Variants in CHRDL2 observed in about 807,000 individuals in gnomAD.
The protein encoded by CHRDL2 is chordin like 2.
CHRDL2 carries 41 observed loss-of-function variants against 54.3 expected under a neutral mutation model. That is an observed-to-expected ratio of 0.76 (90% CI 0.59 to 0.98). The LOEUF (loss-of-function observed/expected upper bound fraction) is 0.98. Among genes scored for constraint, CHRDL2 ranks in the 50% least tolerant of loss-of-function variants. CHRDL2 has a pLI of 0.00. For missense variants in CHRDL2, 518 were observed against 562.4 expected, an observed-to-expected ratio of 0.92 and a Z score of 0.80; for synonymous variants, 220 against 224.3, an observed-to-expected ratio of 0.98 and a Z score of 0.17.
At chr11:74,701,455 C>G (rs2066262746) in intron 9 of CHRDL2, 3 of 581,022 alleles carry the variant, frequency 5.2e-6, no homozygotes, top group Admixed American at 2.8e-5. Context: ...TCCTGTCCCC[C>G]TGAGTCTTCT....
intron 1 of CHRDL2, 103 bp downstream of exon 1, chr11:74,730,704 T>G: frequency 9.0e-7 from 1 of 1,112,474 alleles, no homozygotes; most frequent in Non-Finnish European, 1.3e-6. Flanking sequence ...AGGTGCTGCC[T>G]GGACGGCTGT....
chr11:74,730,871 C>T lies in CHRDL2; in HGVS notation c.18G>A (p.Arg6=). 3 of 1,611,752 alleles carry T rather than the reference C, an allele frequency of 1.9e-6. No homozygotes were observed. Among genetic ancestry groups the T allele is most frequent in the East Asian group, 2.2e-5 (1 of 44,800 alleles). ...CGAGTCCCAGCAAGGAGGAGAGGAC[C>T]CTCACCTCGGGAACCATCCTTTCCC... The part of the protein sequence containing the change: MVPEV[R]VLSSLLGLAL... The change falls in exon 1 of 11, where the codon AGG becomes AGA. Residue 6 remains arginine, a synonymous_variant. Transcript: ENST00000376332.
chr11:74,696,625 T>C (rs974534752), intron 10 of CHRDL2, 40 bp from the exon 11 acceptor site: 12 of 1,460,582 alleles, frequency 8.2e-6, no homozygotes, highest in African/African-American at 1.4e-5. Context: ...GGCGTATGTG[T>C]CTGCACGTGC....
At chr11:74,728,333 T>C (rs1004891994) in intron 1 of CHRDL2, among the ~76,000 whole-genome samples, 3 of 152,158 alleles carry the variant, frequency 2.0e-5, no homozygotes, top group Non-Finnish European at 4.4e-5. Flanking sequence ...AGGCTTGAGA[T>C]CTCACTTAAA....
At chr11:74,730,290 G>A (rs2034631665) in intron 1 of CHRDL2, among the ~76,000 whole-genome samples, 1 of 152,166 alleles carries the variant, frequency 6.6e-6, no homozygotes, top group African/African-American at 2.4e-5. Flanking sequence ...TACCCGCTCT[G>A]TAAGTTTTAG....
intron 1 of CHRDL2, among the ~76,000 whole-genome samples, chr11:74,724,630 C>T (rs2034544656): frequency 2.6e-5 from 4 of 152,198 alleles, no homozygotes; most frequent in Admixed American, 2.0e-4. Context: ...GAATGGAATC[C>T]TCCATCTCCA....
chr11:74,707,165 C>A (rs2034038125), intron 5 of CHRDL2, among the ~76,000 whole-genome samples: 2 of 152,196 alleles, frequency 1.3e-5, no homozygotes, highest in Non-Finnish European at 2.9e-5. Flanking sequence ...TGATTCCCAC[C>A]AATCATTCCC....
At position 74,708,396 on chromosome 11, in the gene CHRDL2, C is replaced by T; in HGVS notation, c.433-1G>A. Reference sequence around the variant, plus strand: ...TGAGGCCGCAGTAGATCTGGCCCTCCTGACAGATAGAGCAAACCAGCTGGG... The same window carrying T: ...TGAGGCCGCAGTAGATCTGGCCCTCTTGACAGATAGAGCAAACCAGCTGGG... On this transcript the variant is annotated splice_acceptor_variant, in intron 4 of 10. Transcript: ENST00000376332. LOFTEE classifies it high-confidence loss of function. 6.4e-7 allele frequency: 1 copy of T among 1,569,786 alleles called. No individual in the cohort carries two copies. The highest frequency in any genetic ancestry group is 8.6e-7 in the Non-Finnish European group (1 of 1,160,642).
intron 9 of CHRDL2, among the ~76,000 whole-genome samples, chr11:74,700,643 A>ATTATTTT (rs1554984229): frequency 3.2e-4 from 43 of 136,032 alleles, no homozygotes; most frequent in Non-Finnish European, 4.7e-4. Flanking sequence ...TATTATTATT[A>ATTATTTT]TTTTTTTTTT....
intron 8 of CHRDL2, 48 bp downstream of exon 8, chr11:74,703,257 G>T (rs760686047): frequency 2.0e-6 from 3 of 1,535,740 alleles, no homozygotes; most frequent in East Asian, 4.5e-5. Flanking sequence ...GAGAGACCCA[G>T]GGCTCACTCT....
chr11:74,716,415 G>A (rs1018936634), intron 2 of CHRDL2, among the ~76,000 whole-genome samples: 1 of 151,678 alleles, frequency 6.6e-6, no homozygotes, highest in Admixed American at 6.6e-5. Flanking sequence ...GGTGCCTGTA[G>A]TCCCAGCTAC....
chr11:74,697,326 G>A, intron 9 of CHRDL2, 29 bp from the exon 10 acceptor site: 2 of 1,583,082 alleles, frequency 1.3e-6, no homozygotes, highest in African/African-American at 2.7e-5. Flanking sequence ...ATGTGAGCAG[G>A]CAAGGCAAAA....
intron 9 of CHRDL2, chr11:74,698,199 G>A (rs1263851596): frequency 1.3e-5 from 2 of 150,288 alleles, no homozygotes. Flanking sequence ...GAGTAGCTTG[G>A]ATTACAGGTG....
At chr11:74,697,506 G>C in intron 9 of CHRDL2, 1 of 582,420 alleles carries the variant, frequency 1.7e-6, no homozygotes, top group Non-Finnish European at 3.1e-6. Flanking sequence ...GGCCCCTGTT[G>C]TCTTGTCTGG....
intron 1 of CHRDL2, among the ~76,000 whole-genome samples, chr11:74,723,656 A>G (rs1000722777): frequency 6.6e-6 from 1 of 152,194 alleles, no homozygotes; most frequent in Admixed American, 6.5e-5. Flanking sequence ...CAAGCCTTGC[A>G]ATACTGCAAC....
intron 3 of CHRDL2, among the ~76,000 whole-genome samples, chr11:74,712,303 AT>A (rs998725210): frequency 4.6e-5 from 7 of 152,078 alleles, no homozygotes; most frequent in African/African-American, 1.7e-4. Flanking sequence ...GGCCGATGGC[AT>A]GGCAACGGTG....
At chr11:74,714,033 T>C (rs2034274457) in intron 2 of CHRDL2, among the ~76,000 whole-genome samples, 1 of 152,138 alleles carries the variant, frequency 6.6e-6, no homozygotes, top group Non-Finnish European at 1.5e-5. Flanking sequence ...GTTCCTTCTC[T>C]TTTTTAAGCA....
intron 8 of CHRDL2, 71 bp from the exon 9 acceptor site, chr11:74,703,038 A>G (rs1253743578): frequency 6.9e-7 from 1 of 1,440,066 alleles, no homozygotes; most frequent in Admixed American, 2.2e-5. Flanking sequence ...CTAATATTCT[A>G]AAATGTTGTG....
chr11:74,728,502 G>A (rs2034604043), intron 1 of CHRDL2, among the ~76,000 whole-genome samples: 1 of 150,608 alleles, frequency 6.6e-6, no homozygotes, highest in Non-Finnish European at 1.5e-5. Context: ...ACAAATCAGG[G>A]TCCAGGACCC....
Sources: allele counts gnomAD v4.1 joint callset (sites outside exome capture counted in the v4.1 genomes callset), GRCh38; gene constraint gnomAD v4.1.1; transcripts MANE v1.5; gene names NCBI Gene and HGNC (gene_info 2026-07-23, HGNC 2026-07-21).